The following DGKH variants were observed in gnomAD, a reference collection of about 807,000 sequenced individuals.
The protein encoded by DGKH is diacylglycerol kinase eta.
In DGKH, 90 loss-of-function variants were observed where a neutral mutation model predicts 159.3. The ratio of observed to expected loss-of-function variants is 0.57; its 90% CI spans 0.48 to 0.67. DGKH has a LOEUF of 0.67. DGKH is among the 30% of genes least tolerant of loss of function. DGKH has a pLI of 0.00. For missense variants in DGKH, 1,181 were observed against 1,506.1 expected, an observed-to-expected ratio of 0.78 and a Z score of 3.57; for synonymous variants, 536 against 553.8, an observed-to-expected ratio of 0.97 and a Z score of 0.45.
At chr13:42,105,938 A>G (rs546862735) in intron 1 of DGKH, among the ~76,000 whole-genome samples, 4 of 152,340 alleles carry the variant, frequency 2.6e-5, no homozygotes, top group South Asian at 2.1e-4. Flanking sequence ...CTGTGAAAAC[A>G]ATGTATTTCA....
chr13:42,213,649 C>T (rs189137246), intron 24 of DGKH, among the ~76,000 whole-genome samples: 102 of 152,192 alleles, frequency 6.7e-4, no homozygotes, highest in Non-Finnish European at 1.2e-3. Flanking sequence ...AATTCTTTTT[C>T]TTTACTCTTG....
chr13:42,206,913 A>G (rs2138183326), intron 21 of DGKH, among the ~76,000 whole-genome samples: 1 of 151,528 alleles, frequency 6.6e-6, no homozygotes, highest in South Asian at 2.1e-4. Flanking sequence ...GGACATGGAC[A>G]TTTTAGGGGG....
intron 1 of DGKH, among the ~76,000 whole-genome samples, chr13:42,060,772 A>G (rs1882096400): frequency 6.6e-6 from 1 of 152,140 alleles, no homozygotes; most frequent in Non-Finnish European, 1.5e-5. Context: ...ATCTTATTTA[A>G]TCCTCATAGT....
chr13:42,074,006 T>C (rs1214760628), intron 1 of DGKH, among the ~76,000 whole-genome samples: 1 of 152,228 alleles, frequency 6.6e-6, no homozygotes, highest in African/African-American at 2.4e-5. Context: ...AGAAATTATC[T>C]TGATGTTTTT....
At position 42,140,219 on chromosome 13, in the gene DGKH, A is replaced by G. The variant is rs373645309; in HGVS notation, c.384+10587A>G. On this transcript the variant is annotated intron_variant, in intron 3 of 29. Transcript: ENST00000337343. ...AGCCTTTGGCACCTTGTGGATTGCC[A>G]GTGGCAGACTGCTGTCACATGAAAA... Among the ~76,000 whole-genome samples the G allele has an allele frequency of 5.9e-5, 9 of 152,322 alleles. No individual in the cohort carries two copies. The South Asian group carries it at 1.9e-3, about 32-fold the overall frequency.
At chr13:42,052,578 C>G (rs1290779754) in intron 1 of DGKH, among the ~76,000 whole-genome samples, 2 of 152,210 alleles carry the variant, frequency 1.3e-5, no homozygotes, top group Non-Finnish European at 2.9e-5. Flanking sequence ...TTTGGATTTG[C>G]ATTCAGACAT....
chr13:42,135,319 C>A (rs897441621), intron 3 of DGKH, among the ~76,000 whole-genome samples: 2 of 151,160 alleles, frequency 1.3e-5, no homozygotes, highest in Admixed American at 1.3e-4. Context: ...GGCAAAATGG[C>A]GAAACCCCAT....
chr13:42,169,692 A>G (rs528387690), intron 11 of DGKH, among the ~76,000 whole-genome samples: 1 of 152,364 alleles, frequency 6.6e-6, no homozygotes, highest in South Asian at 2.1e-4. Context: ...TTACTCTAAG[A>G]TGGGCTATAA....
chr13:42,194,826 C>T (rs1299805133), intron 16 of DGKH, 59 bp from the exon 17 acceptor site: 47 of 1,532,164 alleles, frequency 3.1e-5, no homozygotes, highest in Admixed American at 6.2e-5. Context: ...TTTATAGGAA[C>T]GTGCTTATTT....
intron 13 of DGKH, among the ~76,000 whole-genome samples, chr13:42,182,328 C>A (rs1956786516): frequency 6.6e-6 from 1 of 152,232 alleles, no homozygotes; most frequent in African/African-American, 2.4e-5. Flanking sequence ...CCATCTGCTT[C>A]CTACTTTATT....
chr13:42,081,787 A>C (rs1236093208), intron 1 of DGKH, among the ~76,000 whole-genome samples: 1 of 152,104 alleles, frequency 6.6e-6, no homozygotes, highest in Non-Finnish European at 1.5e-5. Context: ...CCAGCTTTGA[A>C]ATAGCTCTTT....
At chr13:42,221,453 C>T (rs1957971009) in intron 29 of DGKH, 59 bp downstream of exon 29, 1 of 1,595,574 alleles carries the variant, frequency 6.3e-7, no homozygotes, top group African/African-American at 1.3e-5. Flanking sequence ...AATCCTTTCT[C>T]CTGTGCCTCT....
At chr13:42,108,485 C>A (rs1425200757) in intron 1 of DGKH, among the ~76,000 whole-genome samples, 1 of 152,112 alleles carries the variant, frequency 6.6e-6, no homozygotes, top group African/African-American at 2.4e-5. Context: ...GACTTTTACC[C>A]AGTGCCGTGT....
rs548166571 is a variant in DGKH at position 42,228,767 on chromosome 13, A to G, written c.3574-332A>G. Among the ~76,000 whole-genome samples the G allele has an allele frequency of 2.0e-5, 3 of 151,998 alleles. No individual in the cohort carries two copies. In the South Asian group the frequency reaches 6.2e-4, roughly 31 times the overall value. On this transcript the variant is annotated intron_variant, in intron 29 of 29. Transcript: ENST00000337343. ...GAAACTAAATTGGTTTTGACTTTTG[A>G]AGTCAAAAGCCACTGTGTATAATTA... is the stretch of plus-strand genomic sequence containing the variant.
Position 42,189,320 on chromosome 13 carries a change from A to G in DGKH, c.1912+11A>G. 6.2e-7 allele frequency: 1 copy of G among 1,612,852 alleles called. No homozygotes were observed. Among genetic ancestry groups the G allele is most frequent in the Non-Finnish European group, 8.5e-7 (1 of 1,178,966 alleles). ...AGGAAGCCGGAAAAGGTACACATTA[A>G]CAAATTTAGCTTTGGAAGAAGTTGG... On this transcript the variant is annotated intron_variant, in intron 15 of 29. Transcript: ENST00000337343.
At chr13:42,183,703 A>C (rs1258380399) in intron 13 of DGKH, among the ~76,000 whole-genome samples, 1 of 152,246 alleles carries the variant, frequency 6.6e-6, no homozygotes, top group African/African-American at 2.4e-5. Context: ...TTGACCTTAG[A>C]ACTTCATCAA....
At chr13:42,194,817 T>G (rs1223977517) in intron 16 of DGKH, 68 bp from the exon 17 acceptor site, 1 of 1,508,706 alleles carries the variant, frequency 6.6e-7, no homozygotes, top group Non-Finnish European at 8.9e-7. Flanking sequence ...TGTTTTAAAT[T>G]TATAGGAACG....
At chr13:42,080,077 T>G (rs1954171304) in intron 1 of DGKH, among the ~76,000 whole-genome samples, 1 of 152,192 alleles carries the variant, frequency 6.6e-6, no homozygotes, top group Non-Finnish European at 1.5e-5. Flanking sequence ...GAAAAATTCT[T>G]TCTTTATCTT....
chr13:42,215,393 G>A (rs561513551), intron 25 of DGKH, among the ~76,000 whole-genome samples, 182 bp from the exon 26 acceptor site: 3 of 152,046 alleles, frequency 2.0e-5, no homozygotes, highest in Non-Finnish European at 2.9e-5. Flanking sequence ...TTTTTGTTCT[G>A]TAATATAATA....
Sources: allele counts gnomAD v4.1 joint callset (sites outside exome capture counted in the v4.1 genomes callset), GRCh38; gene constraint gnomAD v4.1.1; transcripts MANE v1.5; gene names NCBI Gene and HGNC (gene_info 2026-07-23, HGNC 2026-07-21).